The following BCAS3 variants were observed in gnomAD, a reference collection of about 807,000 sequenced individuals.
BCAS3 encodes the protein BCAS3 microtubule associated cell migration factor.
A neutral mutation model predicts 116.1 loss-of-function variants in BCAS3; 53 were observed. The ratio of observed to expected loss-of-function variants is 0.46; its 90% CI spans 0.37 to 0.57. BCAS3 has a LOEUF of 0.57. Ranked by LOEUF, BCAS3 falls within the 20% of genes least tolerant of loss-of-function variation. The pLI is 0.00. For missense variants in BCAS3, 917 were observed against 1,165.4 expected, an observed-to-expected ratio of 0.79 and a Z score of 3.10; for synonymous variants, 391 against 408.2, an observed-to-expected ratio of 0.96 and a Z score of 0.51.
intron 6 of BCAS3, among the ~76,000 whole-genome samples, chr17:60,770,281 C>T (rs1214353107): frequency 6.6e-6 from 1 of 151,930 alleles, no homozygotes; most frequent in Non-Finnish European, 1.5e-5. Context: ...GGGGATCTGT[C>T]TCACCCTTTT....
intron 22 of BCAS3, among the ~76,000 whole-genome samples, chr17:61,267,475 C>T (rs1156729218): frequency 2.0e-5 from 3 of 151,578 alleles, no homozygotes; most frequent in African/African-American, 7.3e-5. Flanking sequence ...CGGTGGCTCA[C>T]GCCTGTTATC....
chr17:60,877,922 A>C (rs1599368168), intron 9 of BCAS3, among the ~76,000 whole-genome samples: 1 of 152,324 alleles, frequency 6.6e-6, no homozygotes, highest in East Asian at 1.9e-4. Context: ...AAAAAGTAGT[A>C]AATAAAAGTA....
In BCAS3 at chr17:60,749,791, G is replaced by C. The variant is rs142431886; in HGVS notation, c.403+2512G>C. Among the ~76,000 whole-genome samples the C allele has an allele frequency of 4.0e-3, 613 of 152,034 alleles. 6 individuals carry two copies. Among genetic ancestry groups the C allele is most frequent in the East Asian group, 0.017 (87 of 5,182 alleles). On this transcript the variant is annotated intron_variant, in intron 6 of 23. Coordinates refer to ENST00000407086, the MANE Select transcript of BCAS3 (RefSeq NM_017679.5). ...TTTACATACAAATAAGTAGCAAATAGAATCCAATGACATATAAAAAGAATT... is the reference window on the plus strand; with the variant it reads ...TTTACATACAAATAAGTAGCAAATACAATCCAATGACATATAAAAAGAATT...
chr17:61,312,074 C>G (rs573264117), intron 22 of BCAS3, among the ~76,000 whole-genome samples: 1 of 152,290 alleles, frequency 6.6e-6, no homozygotes, highest in African/African-American at 2.4e-5. Context: ...AGGGGAGAAT[C>G]GTTTGATCTC....
chr17:60,820,245 T>A (rs1167559937), intron 7 of BCAS3, among the ~76,000 whole-genome samples: 1 of 151,988 alleles, frequency 6.6e-6, no homozygotes, highest in Non-Finnish European at 1.5e-5. Context: ...TTTTTTGTAT[T>A]TTTAGTAGCC....
intron 7 of BCAS3, among the ~76,000 whole-genome samples, chr17:60,844,613 T>C (rs4456565): frequency 0.28 from 43,342 of 152,106 alleles, 9,859 homozygotes; most frequent in African/African-American, 0.63. Flanking sequence ...CAGATACCTT[T>C]GTTGGTCTAA....
rs1473473213 is a variant in BCAS3 at position 61,023,334 on chromosome 17, G to A, written c.1637+7433G>A. Among the ~76,000 whole-genome samples the A allele has an allele frequency of 6.6e-6, 1 of 151,994 alleles. No homozygotes were observed. The highest frequency in any genetic ancestry group is 6.5e-5 in the Admixed American group (1 of 15,270). ...GTTTATTACATTTAATATTTATATG[G>A]GCTCATTCTGATGTCTGTTCTGTGG... On this transcript the variant is annotated intron_variant, in intron 16 of 23. Transcript: ENST00000407086. This position sits in a 1 kb window ranked among gnomAD's most constrained non-coding sequence, Gnocchi z 4.8.
At chr17:61,385,851 A>T (rs996787505) in intron 23 of BCAS3, among the ~76,000 whole-genome samples, 1 of 152,204 alleles carries the variant, frequency 6.6e-6, no homozygotes, top group Non-Finnish European at 1.5e-5. Context: ...GAGGAGGGAA[A>T]TGAAAAGCTG....
chr17:60,935,487 C>G (rs1256180654), intron 13 of BCAS3, among the ~76,000 whole-genome samples: 1 of 151,852 alleles, frequency 6.6e-6, no homozygotes, highest in African/African-American at 2.4e-5. Context: ...GCCTGCCTAC[C>G]CAGTCATCTT....
At chr17:60,813,311 A>AAAAAAAGGT (rs2049016214) in intron 7 of BCAS3, among the ~76,000 whole-genome samples, 1 of 151,298 alleles carries the variant, frequency 6.6e-6, no homozygotes. Flanking sequence ...AAAAAAAAAA[A>AAAAAAAGGT]AGGAGGTTAT....
intron 7 of BCAS3, among the ~76,000 whole-genome samples, chr17:60,855,858 A>AT (rs1307169748): frequency 6.6e-6 from 1 of 151,672 alleles, no homozygotes; most frequent in African/African-American, 2.4e-5. Context: ...TACTTTTTGT[A>AT]TTTTTTGTAA....
intron 22 of BCAS3, among the ~76,000 whole-genome samples, chr17:61,272,984 C>T (rs886282061): frequency 6.6e-6 from 1 of 152,002 alleles, no homozygotes; most frequent in African/African-American, 2.4e-5. Flanking sequence ...CTTGGTAATT[C>T]CTTTATGTAG....
At chr17:60,984,261 C>A (rs2062987126) in intron 14 of BCAS3, among the ~76,000 whole-genome samples, 1 of 152,050 alleles carries the variant, frequency 6.6e-6, no homozygotes, top group Non-Finnish European at 1.5e-5. Context: ...ACTAAAATTT[C>A]TTTTTTATTT....
At chr17:61,174,053 A>T (rs1466706809) in intron 22 of BCAS3, among the ~76,000 whole-genome samples, 1 of 152,216 alleles carries the variant, frequency 6.6e-6, no homozygotes, top group African/African-American at 2.4e-5. Context: ...GATACTATTA[A>T]TGGATTGCCA....
chr17:61,279,777 G>T lies in BCAS3; in HGVS notation c.2426-88550G>T, dbSNP rs919099200. Among the ~76,000 whole-genome samples, 1 of 136,680 alleles carries T rather than the reference G, an allele frequency of 7.3e-6. No homozygotes were observed. Among genetic ancestry groups the T allele is most frequent in the Non-Finnish European group, 1.6e-5 (1 of 62,936 alleles). The allele number at this position is 136,680 out of a possible 152,430, so 89.7% of individuals were successfully genotyped here. The stretch of plus-strand genomic sequence containing the variant: ...GCACTGGTCCCTCTGCTTGAGTGAA[G>T]AAAAAAAAAAAAAACTAGGCAGGTA... On this transcript the variant is annotated intron_variant, in intron 22 of 23. Transcript: ENST00000407086. This position sits in a 1 kb window ranked among gnomAD's most constrained non-coding sequence, Gnocchi z 4.4.
intron 5 of BCAS3, among the ~76,000 whole-genome samples, chr17:60,728,104 C>T (rs183681432): frequency 1.8e-4 from 28 of 152,016 alleles, no homozygotes; most frequent in Middle Eastern, 3.4e-3. Context: ...CCACCGTACC[C>T]GGCCTGGTTT....
chr17:61,385,413 C>A (rs1319655326), intron 23 of BCAS3, among the ~76,000 whole-genome samples: 3 of 152,242 alleles, frequency 2.0e-5, no homozygotes, highest in Non-Finnish European at 4.4e-5. Context: ...AAGTTGATCG[C>A]TTGGGGCAGA....
In BCAS3 at chr17:61,332,640, G is replaced by C. The variant is rs1000265270; in HGVS notation, c.2426-35687G>C. On this transcript the variant is annotated intron_variant, in intron 22 of 23. Coordinates refer to ENST00000407086, the MANE Select transcript of BCAS3 (RefSeq NM_017679.5). This position sits in a 1 kb window ranked among gnomAD's most constrained non-coding sequence, Gnocchi z 5.4. ...TTATTTTTTTTTATTTTTTGAGATAGAGTCTTGCTCTGTCACCCAGGCTGG... is the reference window on the plus strand; with the variant it reads ...TTATTTTTTTTTATTTTTTGAGATACAGTCTTGCTCTGTCACCCAGGCTGG... 6.6e-6 allele frequency among the ~76,000 whole-genome samples: 1 copy of C among 151,964 alleles called. No homozygotes were observed. Among genetic ancestry groups the C allele is most frequent in the South Asian group, 2.1e-4 (1 of 4,826 alleles).
chr17:60,983,251 AT>A (rs1253409946), intron 14 of BCAS3, among the ~76,000 whole-genome samples: 1 of 152,190 alleles, frequency 6.6e-6, no homozygotes, highest in Non-Finnish European at 1.5e-5. Context: ...GAATATGTTA[AT>A]TACAAATAAC....
Sources: gnomAD v4.1 joint callset for allele counts (sites outside exome capture counted in the v4.1 genomes callset) on GRCh38, gnomAD v4.1.1 for gene constraint, Gnocchi (gnomAD v3.1) non-coding constraint, MANE v1.5 for transcripts, NCBI Gene and HGNC (gene_info 2026-07-23, HGNC 2026-07-21) for gene names.